ZC4H2: variants seen among roughly 807,000 people sequenced by gnomAD.
ZC4H2 encodes zinc finger C4H2 domain-containing protein.
For missense variants in ZC4H2, 137 were observed against 173.9 expected (o/e 0.79, Z 1.19); for synonymous variants, 84 against 66.3 (o/e 1.27, Z -1.30).
intron 1 of ZC4H2, among the ~76,000 whole-genome samples, chrX:65,024,111 T>TG (rs900076891): frequency 4.1e-5 from 4 of 98,578 alleles, no homozygotes; most frequent in Admixed American, 1.1e-4. Context: ...TATCGGCGGG[T>TG]GGGGGGGCAC....
upstream of ZC4H2, among the ~76,000 whole-genome samples, chrX:64,977,269 A>T (rs1287689142): frequency 4.5e-5 from 5 of 111,093 alleles, no homozygotes; most frequent in African/African-American, 1.3e-4. Flanking sequence ...ATAGAGGAGA[A>T]TGGGCTCTCC....
intron 1 of ZC4H2, among the ~76,000 whole-genome samples, chrX:64,964,191 C>T (rs1193615083): frequency 2.8e-5 from 3 of 105,955 alleles, no homozygotes; most frequent in Admixed American, 1.0e-4. Context: ...GTTCTGTGAC[C>T]TTACCACAGT....
rs1930667162 is a variant in ZC4H2 at position 64,948,950 on chromosome X, TGACTAAATTTA to T, written c.54-26973_54-26963del. 4.5e-5 allele frequency among the ~76,000 whole-genome samples: 5 copies of T among 111,835 alleles called. No individual in the cohort carries two copies. In the Admixed American group the frequency reaches 4.8e-4, roughly 11 times the overall value. On this transcript the variant is annotated intron_variant, in intron 1 of 4. Transcript: ENST00000374839. ...AAACAAATTTTGTCTGTAAACATAT[TGACTAAATTTA>T]AAGAGGTATTATTATTTTTTCCATA...
chrX:64,962,664 A>G (rs1022719145), intron 1 of ZC4H2, among the ~76,000 whole-genome samples: 9 of 111,785 alleles, frequency 8.1e-5, no homozygotes, highest in African/African-American at 2.9e-4. Flanking sequence ...TTCCAAAAAG[A>G]TTGTTAGAAT....
At chrX:64,938,328 G>A (rs1386739928) in intron 1 of ZC4H2, among the ~76,000 whole-genome samples, 2 of 111,765 alleles carry the variant, frequency 1.8e-5, no homozygotes, top group South Asian at 3.7e-4. Flanking sequence ...AGGACCAGAC[G>A]GATTCACAGC....
intron 1 of ZC4H2, among the ~76,000 whole-genome samples, chrX:65,030,292 A>AT (rs910841530): frequency 2.5e-4 from 27 of 107,159 alleles, no homozygotes; most frequent in Admixed American, 1.8e-3. Context: ...TAATTTTTGT[A>AT]TTTTTTTTTG....
chrX:64,959,446 A>G (rs1931289730), intron 1 of ZC4H2, among the ~76,000 whole-genome samples: 2 of 102,501 alleles, frequency 2.0e-5, no homozygotes, highest in Non-Finnish European at 4.0e-5. Context: ...TACACTACTA[A>G]GAAAAAATGC....
At chrX:65,029,699 T>C (rs1470839629) in intron 1 of ZC4H2, among the ~76,000 whole-genome samples, 1 of 111,464 alleles carries the variant, frequency 9.0e-6, no homozygotes, top group Non-Finnish European at 1.9e-5. Flanking sequence ...TATGTGAGAC[T>C]GGAGGAATAA....
At chrX:64,994,224 G>A (rs1391219859) in intron 1 of ZC4H2, among the ~76,000 whole-genome samples, 1 of 111,345 alleles carries the variant, frequency 9.0e-6, no homozygotes, top group Non-Finnish European at 1.9e-5. Flanking sequence ...TCACAACAAT[G>A]CTATGAATTA....
At chrX:65,016,893 T>C (rs748379036) in intron 1 of ZC4H2, among the ~76,000 whole-genome samples, 6 of 111,784 alleles carry the variant, frequency 5.4e-5, no homozygotes, top group African/African-American at 1.9e-4. Flanking sequence ...CCCAGCAAAA[T>C]GGAAGGAGGA....
At chrX:65,029,366 C>G (rs764067022) in intron 1 of ZC4H2, among the ~76,000 whole-genome samples, 1 of 111,441 alleles carries the variant, frequency 9.0e-6, no homozygotes, top group Admixed American at 9.5e-5. Flanking sequence ...GAGGTTAAAT[C>G]CCTATTACAG....
At chrX:65,024,877 C>T (rs1481600018) in intron 1 of ZC4H2, among the ~76,000 whole-genome samples, 16 of 111,449 alleles carry the variant, frequency 1.4e-4, no homozygotes, top group Admixed American at 9.6e-4. Context: ...ATAATATACA[C>T]GGTGACCTGC....
chrX:65,010,965 G>T (rs1323506856), intron 1 of ZC4H2, among the ~76,000 whole-genome samples: 1 of 111,705 alleles, frequency 9.0e-6, no homozygotes, highest in Non-Finnish European at 1.9e-5. Context: ...TAAAAATTTA[G>T]ATAACCTCTT....
intron 3 of ZC4H2, chrX:64,919,791 T>C (rs1929101890): frequency 3.6e-6 from 1 of 281,061 alleles, no homozygotes. Context: ...CATAGTCTTG[T>C]ATTGTCAATA....
intron 1 of ZC4H2, among the ~76,000 whole-genome samples, chrX:64,931,455 G>T (rs1929740733): frequency 9.0e-6 from 1 of 111,338 alleles, no homozygotes; most frequent in Admixed American, 9.6e-5. Flanking sequence ...TTGTCCATTT[G>T]TGCTCTTTCA....
At chrX:64,992,452 G>T (rs1932327886) in intron 1 of ZC4H2, among the ~76,000 whole-genome samples, 1 of 111,492 alleles carries the variant, frequency 9.0e-6, no homozygotes, top group Non-Finnish European at 1.9e-5. Flanking sequence ...AATAACCTCT[G>T]CCCACTGCCT....
At chrX:64,979,220 G>A (rs760279021), upstream of ZC4H2, among the ~76,000 whole-genome samples, 37 of 111,712 alleles carry the variant, frequency 3.3e-4, no homozygotes, top group Non-Finnish European at 5.8e-4. Flanking sequence ...GGCCCCATGC[G>A]GCCTGTATCA....
chrX:64,989,310 A>T (rs1932261138), intron 1 of ZC4H2, among the ~76,000 whole-genome samples: 1 of 111,988 alleles, frequency 8.9e-6, no homozygotes, highest in Non-Finnish European at 1.9e-5. Context: ...TACCTTGGGC[A>T]GTATGGCCAT....
chrX:64,944,065 G>C (rs1009399788), intron 1 of ZC4H2, among the ~76,000 whole-genome samples: 1 of 110,252 alleles, frequency 9.1e-6, no homozygotes, highest in Non-Finnish European at 1.9e-5. Context: ...GTCTGTAAAG[G>C]ATTTTCTTTC....
Sources: allele counts gnomAD v4.1 joint callset (sites outside exome capture counted in the v4.1 genomes callset), GRCh38; gene constraint gnomAD v4.1.1; transcripts MANE v1.5; gene names NCBI Gene and HGNC (gene_info 2026-07-23, HGNC 2026-07-21).